The following IST1 variants were observed in gnomAD, a reference collection of about 807,000 sequenced individuals.
IST1 encodes IST1 factor associated with ESCRT-III, also known as IST1 homolog.
IST1 carries 23 observed loss-of-function variants against 37.0 expected under a neutral mutation model. The ratio of observed to expected loss-of-function variants is 0.62; its 90% CI spans 0.45 to 0.88. The LOEUF (loss-of-function observed/expected upper bound fraction) is 0.88. IST1 is among the 40% of genes least tolerant of loss of function. The pLI is 0.00. For missense variants in IST1, 488 were observed against 445.4 expected (o/e 1.10, Z -0.86); for synonymous variants, 180 against 161.7 (o/e 1.11, Z -0.86).
intron 1 of IST1, among the ~76,000 whole-genome samples, chr16:71,907,364 G>A (rs1225286147): frequency 6.7e-6 from 1 of 149,312 alleles, no homozygotes; most frequent in African/African-American, 2.5e-5. Flanking sequence ...TGCAAGCTTC[G>A]CCTCCTGGGT....
At chr16:71,923,729 A>C (rs972684497) in intron 8 of IST1, among the ~76,000 whole-genome samples, 3 of 152,218 alleles carry the variant, frequency 2.0e-5, no homozygotes, top group Admixed American at 6.5e-5. Flanking sequence ...AAAGTATCAT[A>C]ATTATTAAAA....
chr16:71,904,686 G>C (rs527821197), intron 1 of IST1, among the ~76,000 whole-genome samples: 1 of 152,280 alleles, frequency 6.6e-6, no homozygotes, highest in Non-Finnish European at 1.5e-5. Flanking sequence ...TGGGCTTACG[G>C]CATGAGCCAC....
At chr16:71,922,883 G>C in intron 7 of IST1, 1 of 603,508 alleles carries the variant, frequency 1.7e-6, no homozygotes. Context: ...AATCTATAGA[G>C]TTGGTGCTAG....
chr16:71,915,300 C>A (rs542804536), intron 1 of IST1, among the ~76,000 whole-genome samples: 2 of 152,130 alleles, frequency 1.3e-5, no homozygotes, highest in Admixed American at 1.3e-4. Flanking sequence ...TCATCTGTCA[C>A]CAAATTCTTT....
intron 1 of IST1, among the ~76,000 whole-genome samples, chr16:71,915,013 T>C (rs149976736): frequency 6.6e-6 from 1 of 152,304 alleles, no homozygotes; most frequent in African/African-American, 2.4e-5. Flanking sequence ...TGTAGAGCAG[T>C]GTTTTCCTTG....
In IST1 at chr16:71,923,823, C is replaced by T. The variant is rs117376038; in HGVS notation, c.852+443C>T. On this transcript the variant is annotated intron_variant, in intron 8 of 9. Transcript: ENST00000378799. ...CAGAAATGTCCAGTTACATGTCGGC[C>T]GACAGCATTGATTTCACATTTTAGT... is the stretch of plus-strand genomic sequence containing the variant. Among the ~76,000 whole-genome samples the T allele has an allele frequency of 9.2e-3, 1,402 of 152,202 alleles. 8 individuals are homozygous for T. The highest frequency in any genetic ancestry group is 0.015 in the Non-Finnish European group (1,021 of 68,024).
chr16:71,919,073 G>A (rs1424268241), intron 4 of IST1, among the ~76,000 whole-genome samples: 1 of 152,136 alleles, frequency 6.6e-6, no homozygotes, highest in Non-Finnish European at 1.5e-5. Flanking sequence ...CATTCCATCA[G>A]AACCACCTGA....
At chr16:71,907,894 G>C (rs2037261477) in intron 1 of IST1, among the ~76,000 whole-genome samples, 1 of 152,152 alleles carries the variant, frequency 6.6e-6, no homozygotes, top group Non-Finnish European at 1.5e-5. Flanking sequence ...CAGTCCTCCT[G>C]CCTCAGCCCC....
At chr16:71,899,188 T>TA (rs908682391) in intron 1 of IST1, among the ~76,000 whole-genome samples, 5 of 151,832 alleles carry the variant, frequency 3.3e-5, no homozygotes, top group South Asian at 2.1e-4. Context: ...GTTTTTTTTT[T>TA]AAATTAATTT....
intron 9 of IST1, among the ~76,000 whole-genome samples, chr16:71,925,631 A>C (rs901375176): frequency 2.6e-5 from 4 of 152,078 alleles, no homozygotes; most frequent in African/African-American, 9.7e-5. Context: ...TGAATTTTGT[A>C]AAGCAATCAT....
At position 71,923,408 on chromosome 16, in the gene IST1, AAC is replaced by A. The variant is rs1156647248; in HGVS notation, c.852+30_852+31del. ...AAGTGCCTGAGCCTCTTTTATAAGC[AAC>A]AGGAGAGTGAATGCCATGAAGAGCG... On this transcript the variant is annotated intron_variant, in intron 8 of 9. Coordinates refer to ENST00000378799, the MANE Select transcript of IST1 (RefSeq NM_001270975.2). 8 of 1,405,998 alleles carry A rather than the reference AAC, an allele frequency of 5.7e-6. No individual in the cohort carries two copies. In the South Asian group the frequency reaches 9.3e-5, roughly 16 times the overall value. The allele number at this position is 1,405,998 out of a possible 1,614,324, so 87.1% of individuals were successfully genotyped here.
intron 1 of IST1, 149 bp from the exon 2 acceptor site, chr16:71,915,477 C>T (rs1047094632): frequency 3.6e-6 from 2 of 561,072 alleles, no homozygotes; most frequent in African/African-American, 3.9e-5. Context: ...ACAGCCAAAA[C>T]AATCTGTAAA....
intron 9 of IST1, among the ~76,000 whole-genome samples, chr16:71,925,181 T>A (rs1422260829): frequency 2.0e-5 from 3 of 151,202 alleles, no homozygotes; most frequent in Middle Eastern, 3.4e-3. Flanking sequence ...CCTGGCTAAT[T>A]TTTTTGTATT....
chr16:71,903,198 C>G (rs1269165573), intron 1 of IST1: 1 of 152,212 alleles, frequency 6.6e-6, no homozygotes, highest in African/African-American at 2.4e-5. Flanking sequence ...CCAAGCTGGT[C>G]TCAAACTCCT....
intron 1 of IST1, among the ~76,000 whole-genome samples, chr16:71,896,649 G>C (rs966510344): frequency 6.6e-6 from 1 of 152,110 alleles, no homozygotes; most frequent in African/African-American, 2.4e-5. Flanking sequence ...TGCTTCCTCA[G>C]AACTTCTGGG....
intron 1 of IST1, among the ~76,000 whole-genome samples, chr16:71,907,070 A>C (rs2037239922): frequency 6.6e-6 from 1 of 151,952 alleles, no homozygotes; most frequent in South Asian, 2.1e-4. Flanking sequence ...TTTGATTATG[A>C]GTCTGGACAT....
chr16:71,923,742 T>C (rs1459354385), intron 8 of IST1, among the ~76,000 whole-genome samples: 1 of 152,210 alleles, frequency 6.6e-6, no homozygotes, highest in Non-Finnish European at 1.5e-5. Flanking sequence ...TATTAAAATA[T>C]TAGTCCTATG....
chr16:71,924,006 C>T, intron 8 of IST1: 1 of 411,288 alleles, frequency 2.4e-6, no homozygotes, highest in Non-Finnish European at 4.8e-6. Context: ...ATTGGTGTGG[C>T]ATTTGCTATG....
At chr16:71,909,473 C>T (rs577204713) in intron 1 of IST1, among the ~76,000 whole-genome samples, 17 of 152,264 alleles carry the variant, frequency 1.1e-4, no homozygotes, top group Admixed American at 4.6e-4. Context: ...TGCATACATG[C>T]GTCTTCATGG....
Sources: allele counts gnomAD v4.1 joint callset (sites outside exome capture counted in the v4.1 genomes callset), GRCh38; gene constraint gnomAD v4.1.1; transcripts MANE v1.5; gene names NCBI Gene and HGNC (gene_info 2026-07-23, HGNC 2026-07-21).